INTS9: variants seen among roughly 807,000 people sequenced by gnomAD.
The protein encoded by INTS9 is protein related to CPSF subunits of 74 kDa.
INTS9 carries 55 observed loss-of-function variants against 79.7 expected under a neutral mutation model. The observed-to-expected ratio is 0.69, with a 90% CI of 0.56 to 0.86. The LOEUF is 0.86. Among genes scored for constraint, INTS9 ranks in the 40% least tolerant of loss-of-function variants. The pLI is 0.00. For missense variants in INTS9, 721 were observed against 831.5 expected (o/e 0.87, Z 1.64); for synonymous variants, 319 against 325.2 (o/e 0.98, Z 0.20).
At chr8:28,793,779 CAAAA>C (rs67407592) in intron 10 of INTS9, 24 bp downstream of exon 10, 2 of 1,187,956 alleles carry the variant, frequency 1.7e-6, no homozygotes, top group Non-Finnish European at 1.1e-6. Flanking sequence ...ATAAAATTCA[CAAAA>C]AAAAAAAAAA....
At chr8:28,782,954 T>C (rs952965568) in intron 11 of INTS9, among the ~76,000 whole-genome samples, 2 of 152,102 alleles carry the variant, frequency 1.3e-5, no homozygotes, top group African/African-American at 4.8e-5. Flanking sequence ...GAGACCATCC[T>C]GGCTAACATG....
At chr8:28,865,833 T>C (rs146874140) in intron 1 of INTS9, among the ~76,000 whole-genome samples, 1 of 152,332 alleles carries the variant, frequency 6.6e-6, no homozygotes, top group East Asian at 1.9e-4. Context: ...TCAGCCATGA[T>C]CACTTTGAAT....
At chr8:28,886,975 G>A (rs1810203074) in intron 1 of INTS9, among the ~76,000 whole-genome samples, 1 of 151,810 alleles carries the variant, frequency 6.6e-6, no homozygotes, top group African/African-American at 2.4e-5. Context: ...TTTTCTCAAG[G>A]GTATCCATAG....
At chr8:28,872,720 C>G (rs1156965176) in intron 1 of INTS9, among the ~76,000 whole-genome samples, 1 of 152,144 alleles carries the variant, frequency 6.6e-6, no homozygotes, top group Non-Finnish European at 1.5e-5. Context: ...GGTGGAGCTA[C>G]AAGCTATCAG....
chr8:28,813,706 T>A, intron 6 of INTS9, 94 bp from the exon 7 acceptor site: 1 of 1,302,178 alleles, frequency 7.7e-7, no homozygotes, highest in Non-Finnish European at 1.1e-6. Context: ...ATCCAAATGG[T>A]TTAATTTACT....
intron 6 of INTS9, among the ~76,000 whole-genome samples, chr8:28,816,629 T>C (rs241152): frequency 2.0e-5 from 3 of 150,034 alleles, no homozygotes; most frequent in Admixed American, 6.6e-5. Context: ...TGCATGTGTC[T>C]TTATAGCAGC....
chr8:28,888,413 G>A (rs1810278901), intron 1 of INTS9, among the ~76,000 whole-genome samples: 1 of 148,828 alleles, frequency 6.7e-6, no homozygotes, highest in Non-Finnish European at 1.5e-5. Context: ...GGGTGCAGTG[G>A]TGCGCGCCTG....
chr8:28,865,150 C>T (rs2131314073), intron 1 of INTS9, among the ~76,000 whole-genome samples: 1 of 151,810 alleles, frequency 6.6e-6, no homozygotes, highest in Middle Eastern at 3.4e-3. Flanking sequence ...AGGTAACTAG[C>T]AGAGTCAAAA....
Position 28,779,118 on chromosome 8 carries a change from A to C in INTS9, c.1271-1165T>G, listed in dbSNP as rs1382858985. On this transcript the variant is annotated intron_variant, in intron 12 of 16. Coordinates refer to ENST00000521022, the MANE Select transcript of INTS9 (RefSeq NM_018250.4). ...AGATGCTGTCACCACTGTCATGTCA[A>C]ATGTCGAGTCACCACTCAGCAGCAG... is the stretch of plus-strand genomic sequence containing the variant. Among the ~76,000 whole-genome samples the C allele has an allele frequency of 2.0e-5, 3 of 152,144 alleles. No homozygotes were observed. The South Asian group carries it at 6.2e-4, about 32-fold the overall frequency.
At chr8:28,886,768 C>T (rs1166800533) in intron 1 of INTS9, among the ~76,000 whole-genome samples, 2 of 152,140 alleles carry the variant, frequency 1.3e-5, no homozygotes, top group African/African-American at 4.8e-5. Flanking sequence ...CTTACTTCAC[C>T]TCCCTGAAGC....
At chr8:28,888,761 C>A (rs191639351) in intron 1 of INTS9, among the ~76,000 whole-genome samples, 51 of 152,228 alleles carry the variant, frequency 3.4e-4, no homozygotes, top group Admixed American at 1.8e-3. Context: ...GAATTGAATC[C>A]ACTTTTAATA....
intron 1 of INTS9, among the ~76,000 whole-genome samples, chr8:28,884,132 T>C (rs1810043883): frequency 6.9e-6 from 1 of 145,024 alleles, no homozygotes; most frequent in Non-Finnish European, 1.5e-5. Context: ...TTTTTTCAAT[T>C]CAACTACTAC....
At chr8:28,848,963 G>A (rs982173057) in intron 3 of INTS9, among the ~76,000 whole-genome samples, 2 of 152,168 alleles carry the variant, frequency 1.3e-5, no homozygotes, top group Admixed American at 1.3e-4. Flanking sequence ...AGGTGCACAG[G>A]TTTCTGAATG....
Position 28,889,949 on chromosome 8 carries a change from A to T in INTS9, c.-67T>A. On this transcript the variant is annotated 5_prime_UTR_variant, in exon 1 of 17. Transcript: ENST00000521022. The stretch of plus-strand genomic sequence containing the variant: ...AAACCCAGGAAGCGTCTTCCGGTGC[A>T]ATCTCCGCCACCTGCCAGCCGAGAG... The T allele has an allele frequency of 1.5e-6, 2 of 1,338,374 alleles. No homozygotes were observed. Among genetic ancestry groups the T allele is most frequent in the Non-Finnish European group, 2.1e-6 (2 of 934,922 alleles). 82.9% of individuals were successfully genotyped at this position (1,338,374 alleles called of 1,614,324 possible). A position where few individuals can be genotyped will look rare whatever the true frequency, so the allele number is the denominator to read the frequency against.
chr8:28,808,610 T>C (rs1804942498), intron 8 of INTS9, among the ~76,000 whole-genome samples: 1 of 152,184 alleles, frequency 6.6e-6, no homozygotes, highest in Non-Finnish European at 1.5e-5. Flanking sequence ...ACTACCCTCT[T>C]CTGCAACAAA....
Position 28,769,869 on chromosome 8 carries a change from C to G in INTS9, c.1800+20G>C, listed in dbSNP as rs188081284. 1.9e-6 allele frequency: 3 copies of G among 1,612,660 alleles called. No homozygotes were observed. The Admixed American group carries it at 5.0e-5, about 27-fold the overall frequency. On this transcript the variant is annotated intron_variant, in intron 16 of 16. Transcript: ENST00000521022. Reference sequence around the variant, plus strand: ...GCTGCCACGTGTGGAGTTTTCACGGCACCAGCGAAACCAGCTCACCTTCTC... The same window carrying G: ...GCTGCCACGTGTGGAGTTTTCACGGGACCAGCGAAACCAGCTCACCTTCTC...
Position 28,864,700 on chromosome 8 carries a change from C to T in INTS9, c.10-5137G>A, listed in dbSNP as rs115091044. Among the ~76,000 whole-genome samples the T allele has an allele frequency of 4.1e-3, 619 of 152,064 alleles. 4 individuals carry two copies. Among genetic ancestry groups the T allele is most frequent in the African/African-American group, 0.014 (573 of 41,462 alleles). The stretch of plus-strand genomic sequence containing the variant: ...GAAATTTATCATTTGTCTTCATGTG[C>T]GTGAGAATGAGATATGGAATCCTGT... On this transcript the variant is annotated intron_variant, in intron 1 of 16. Coordinates refer to ENST00000521022, the MANE Select transcript of INTS9 (RefSeq NM_018250.4).
intron 3 of INTS9, among the ~76,000 whole-genome samples, chr8:28,848,896 C>T (rs968425915): frequency 6.6e-6 from 1 of 152,304 alleles, no homozygotes; most frequent in Non-Finnish European, 1.5e-5. Context: ...TGGGATGCTT[C>T]GGAGCCTTCT....
intron 4 of INTS9, among the ~76,000 whole-genome samples, chr8:28,844,204 T>C (rs1000630352): frequency 2.0e-5 from 3 of 152,228 alleles, no homozygotes; most frequent in African/African-American, 7.2e-5. Flanking sequence ...GTGCAAATCG[T>C]TGTCACGTAT....
Sources: allele counts gnomAD v4.1 joint callset (sites outside exome capture counted in the v4.1 genomes callset), GRCh38; gene constraint gnomAD v4.1.1; transcripts MANE v1.5; gene names NCBI Gene and HGNC (gene_info 2026-07-23, HGNC 2026-07-21).